The following BCAR1 variants were observed in gnomAD, a reference collection of about 807,000 sequenced individuals.
BCAR1 encodes the protein breast cancer anti-estrogen resistance protein 1.
Under a neutral mutation model 67.6 loss-of-function variants are expected in BCAR1, and 30 were observed. The ratio of observed to expected loss-of-function variants is 0.44; its 90% CI spans 0.33 to 0.60. BCAR1 has a LOEUF of 0.60. Among genes scored for constraint, BCAR1 ranks in the 20% least tolerant of loss-of-function variants. BCAR1 has a pLI of 0.02. For synonymous variants in BCAR1, 626 were observed against 556.7 expected (o/e 1.12, Z -1.75); for missense variants, 1,313 against 1,222.3 (o/e 1.07, Z -1.11).
upstream of BCAR1, chr16:75,252,085 G>A: frequency 1.9e-6 from 2 of 1,036,886 alleles, no homozygotes; most frequent in Non-Finnish European, 2.8e-6. Flanking sequence ...GGAAAGGGGA[G>A]GGGGCGTGCC....
intron 1 of BCAR1, chr16:75,247,783 A>C: frequency 2.0e-6 from 1 of 497,258 alleles, no homozygotes; most frequent in Non-Finnish European, 3.7e-6. Context: ...CCTGGCTCAT[A>C]TCTGGCCTGC....
Position 75,235,055 on chromosome 16 carries a change from G to C in BCAR1, c.1844C>G (p.Pro615Arg). Residue 615 changes from proline (P) to arginine (R), a missense_variant, in exon 5 of 7, where the codon CCT (proline) becomes CGT (arginine). This residue lies in a region of BCAR1 where 1,272 missense variants were observed against 1,137.5 expected (regional missense o/e 1.12). Coordinates refer to ENST00000162330, the MANE Select transcript of BCAR1 (RefSeq NM_014567.5). Reference sequence around the variant, plus strand: ...GGGGTGCAGGGTGCCACCCCCCTCAGGCCCCGGGGCAGTGGCCTTGGTCCG... The same window carrying C: ...GGGGTGCAGGGTGCCACCCCCCTCACGCCCCGGGGCAGTGGCCTTGGTCCG... The part of the protein sequence containing the change: ...FRRTKATAPG[P>R]EGGGTLHPNP... 6.2e-7 allele frequency: 1 copy of C among 1,613,204 alleles called. No homozygotes were observed. The highest frequency in any genetic ancestry group is 8.5e-7 in the Non-Finnish European group (1 of 1,180,014).
At chr16:75,263,033 T>C (rs900965798) in intron 1 of BCAR1, among the ~76,000 whole-genome samples, 1 of 151,998 alleles carries the variant, frequency 6.6e-6, no homozygotes, top group African/African-American at 2.4e-5. Context: ...CACCTCTCAC[T>C]GGCCAGGTGA....
chr16:75,234,765 T>G (rs1597175111), intron 5 of BCAR1, 124 bp downstream of exon 5: 5 of 1,394,430 alleles, frequency 3.6e-6, no homozygotes, highest in South Asian at 3.4e-5. Context: ...GTGAGGGAGG[T>G]CAAAGTGAGA....
chr16:75,251,896 C>A (rs1749862124), upstream of BCAR1: 1 of 392,854 alleles, frequency 2.5e-6, no homozygotes, highest in Admixed American at 4.0e-5. Context: ...CGCCTTCCAC[C>A]CAGGCGAGAA....
upstream of BCAR1, among the ~76,000 whole-genome samples, chr16:75,254,540 C>T (rs1020501455): frequency 6.6e-6 from 1 of 152,180 alleles, no homozygotes; most frequent in Non-Finnish European, 1.5e-5. Context: ...TTAAGTCACG[C>T]CTAAGTGCAG....
Position 75,242,810 on chromosome 16 carries a change from T to G in BCAR1, c.293A>C (p.Gln98Pro). Residue 98 changes from glutamine to proline, a missense_variant, in exon 2 of 7, where the codon CAG (glutamine) becomes CCG (proline). By Grantham distance (76) the Gln-to-Pro change is moderately conservative. Around this residue, in one of 2 missense-constraint regions of BCAR1, gnomAD observed 1,272 missense variants for 1,137.5 expected, o/e 1.12. Coordinates refer to ENST00000162330, the MANE Select transcript of BCAR1 (RefSeq NM_014567.5). ...GGTGTTGGGGAGCATGGGCGTGTACTGGGAGGCCGGAGGCGCTGGGGCATG... is the reference window on the plus strand; with the variant it reads ...GGTGTTGGGGAGCATGGGCGTGTACGGGGAGGCCGGAGGCGCTGGGGCATG... ...GLHAPAPPAS[Q>P]YTPMLPNTYQ... 6.2e-7 allele frequency: 1 copy of G among 1,603,950 alleles called. No homozygotes were observed. Among genetic ancestry groups the G allele is most frequent in the Non-Finnish European group, 8.5e-7 (1 of 1,175,792 alleles).
chr16:75,258,199 T>C (rs2077824569), intron 1 of BCAR1, among the ~76,000 whole-genome samples: 1 of 152,180 alleles, frequency 6.6e-6, no homozygotes, highest in Non-Finnish European at 1.5e-5. Flanking sequence ...AACCAAGCCC[T>C]CCCTGCTCTC....
intron 5 of BCAR1, 23 bp downstream of exon 5, chr16:75,234,859 AGGAGCCG>A: frequency 6.6e-7 from 1 of 1,516,316 alleles, no homozygotes; most frequent in African/African-American, 1.4e-5. Context: ...GTGGCAGAAG[AGGAGCCG>A]GGGCTGGGCA....
intron 1 of BCAR1, chr16:75,264,507 T>C: frequency 7.0e-7 from 1 of 1,424,986 alleles, no homozygotes; most frequent in East Asian, 2.6e-5. Flanking sequence ...GCATGTTCTG[T>C]CTTCCTTCTT....
intron 1 of BCAR1, among the ~76,000 whole-genome samples, chr16:75,267,588 C>T (rs2078027023): frequency 6.6e-6 from 1 of 152,138 alleles, no homozygotes; most frequent in Non-Finnish European, 1.5e-5. Flanking sequence ...ATGCCCCCAC[C>T]CACCACCACC....
At chr16:75,230,152 A>C (rs2151386252) in intron 6 of BCAR1, 129 bp from the exon 7 acceptor site, 1 of 1,153,624 alleles carries the variant, frequency 8.7e-7, no homozygotes. Flanking sequence ...GACTGCAGGG[A>C]AACGGGCAGT....
intron 3 of BCAR1, 21 bp downstream of exon 3, chr16:75,237,162 C>T (rs371035086): frequency 7.6e-5 from 116 of 1,517,674 alleles, no homozygotes; most frequent in East Asian, 2.0e-4. Context: ...GCCCTCCCAC[C>T]GCTGCGCACC....
chr16:75,251,965 T>A, upstream of BCAR1: 1 of 589,014 alleles, frequency 1.7e-6, no homozygotes. Context: ...GTTTGCCTTC[T>A]TCCTCCAGAG....
chr16:75,248,164 G>T (rs932559592), intron 1 of BCAR1: 6 of 1,585,114 alleles, frequency 3.8e-6, no homozygotes, highest in Middle Eastern at 1.7e-4. Context: ...GGTGGAGCTG[G>T]GTGGCTCCAC....
At chr16:75,249,668 G>A (rs1399262112) in intron 1 of BCAR1, 1 of 152,298 alleles carries the variant, frequency 6.6e-6, no homozygotes, top group East Asian at 1.9e-4. Context: ...TGGGCTCCTG[G>A]GGGCAAGGGA....
chr16:75,233,160 C>T (rs1443689928), intron 6 of BCAR1, among the ~76,000 whole-genome samples: 1 of 152,014 alleles, frequency 6.6e-6, no homozygotes, highest in Admixed American at 6.6e-5. Flanking sequence ...TCGTTTGAGC[C>T]CAGGTGTTTG....
upstream of BCAR1, among the ~76,000 whole-genome samples, chr16:75,254,025 T>A (rs2077730758): frequency 6.6e-6 from 1 of 151,070 alleles, no homozygotes; most frequent in Non-Finnish European, 1.5e-5. Flanking sequence ...GGTCTCGAAC[T>A]CCTGACCTCA....
chr16:75,254,215 C>T (rs181411761), upstream of BCAR1, among the ~76,000 whole-genome samples: 1 of 152,274 alleles, frequency 6.6e-6, no homozygotes, highest in Non-Finnish European at 1.5e-5. Flanking sequence ...GCTGCTAGAC[C>T]TCAGCCCACC....
Sources: gnomAD v4.1 joint callset for allele counts (sites outside exome capture counted in the v4.1 genomes callset) on GRCh38, gnomAD v4.1.1 for gene constraint, gnomAD v4.1.1 regional missense constraint, MANE v1.5 for transcripts, NCBI Gene and HGNC (gene_info 2026-07-23, HGNC 2026-07-21) for gene names.